Variants in PCDHGC3 observed in about 807,000 individuals in gnomAD.
PCDHGC3 encodes the protein protocadherin gamma subfamily C, 3.
PCDHGC3 carries 26 observed loss-of-function variants against 59.2 expected under a neutral mutation model. The observed-to-expected ratio is 0.44, with a 90% CI of 0.32 to 0.61. The LOEUF (loss-of-function observed/expected upper bound fraction) is 0.61. Ranked by LOEUF, PCDHGC3 falls within the 20% of genes least tolerant of loss-of-function variation. PCDHGC3 has a pLI of 0.05. For missense variants in PCDHGC3, 1,080 were observed against 1,221.8 expected, an observed-to-expected ratio of 0.88 and a Z score of 1.73; for synonymous variants, 487 against 519.7, an observed-to-expected ratio of 0.94 and a Z score of 0.86.
chr5:141,491,641 C>T lies in PCDHGC3; in HGVS notation c.2431-3166C>T. Reference sequence around the variant, plus strand: ...CCTCAGCGTTCAGCAGCCCACAGCTCTGGCGCTGGAGCCTGACGCCATCCG... The same window carrying T: ...CCTCAGCGTTCAGCAGCCCACAGCTTTGGCGCTGGAGCCTGACGCCATCCG... On this transcript the variant is annotated intron_variant, in intron 1 of 3. Coordinates refer to ENST00000308177, the MANE Select transcript of PCDHGC3 (RefSeq NM_002588.4). The surrounding 1 kb of genome is among the most constrained non-coding windows in gnomAD (Gnocchi z 6.9). The T allele has an allele frequency of 6.2e-7, 1 of 1,613,896 alleles. No homozygotes were observed. Among genetic ancestry groups the T allele is most frequent in the Non-Finnish European group, 8.5e-7 (1 of 1,180,018 alleles).
chr5:141,498,284 G>A (rs1339639509), intron 2 of PCDHGC3, among the ~76,000 whole-genome samples: 1 of 152,004 alleles, frequency 6.6e-6, no homozygotes, highest in Non-Finnish European at 1.5e-5. Flanking sequence ...CTTGGTTCAA[G>A]ATCAAGCCAG....
At position 141,505,489 on chromosome 5, in the gene PCDHGC3, G is replaced by A. The variant is rs759637750; in HGVS notation, c.2578+8G>A. On this transcript the variant is annotated splice_region_variant and intron_variant, in intron 3 of 3. Coordinates refer to ENST00000308177, the MANE Select transcript of PCDHGC3 (RefSeq NM_002588.4). ...TCTTGGCGTCCGCCAGTGGTAAGTG[G>A]TGTCAGTGTGTGTATGGAAGAGTGG... The A allele has an allele frequency of 6.2e-7, 1 of 1,614,218 alleles. No homozygotes were observed. The highest frequency in any genetic ancestry group is 1.7e-5 in the Admixed American group (1 of 60,032).
rs2099699514 is a variant in PCDHGC3 at position 141,490,385 on chromosome 5, A to G, written c.2431-4422A>G. 1 of 1,614,190 alleles carries G rather than the reference A, an allele frequency of 6.2e-7. No individual in the cohort carries two copies. Among genetic ancestry groups the G allele is most frequent in the African/African-American group, 1.3e-5 (1 of 75,032 alleles). ...GTGCGAGACCGGGACTCAGGTAGAA[A>G]TGGTGAAGTGAGCCTTGATATCTCT... On this transcript the variant is annotated intron_variant, in intron 1 of 3. Coordinates refer to ENST00000308177, the MANE Select transcript of PCDHGC3 (RefSeq NM_002588.4). This position sits in a 1 kb window ranked among gnomAD's most constrained non-coding sequence, Gnocchi z 5.4.
At chr5:141,503,743 G>C (rs1465272424) in intron 2 of PCDHGC3, among the ~76,000 whole-genome samples, 1 of 152,126 alleles carries the variant, frequency 6.6e-6, no homozygotes, top group Non-Finnish European at 1.5e-5. Context: ...TGATGGTATA[G>C]AGGTCACACA....
In PCDHGC3 at chr5:141,476,348, G is replaced by T. The variant is rs764669470; in HGVS notation, c.232G>T (p.Glu78Ter). Residue 78 changes from glutamate (E) to a stop codon, truncating the protein, a stop_gained, in exon 1 of 4, where the codon GAG becomes TAG. Transcript: ENST00000308177. LOFTEE classifies it high-confidence loss of function. This position sits in a 1 kb window ranked among gnomAD's most constrained non-coding sequence, Gnocchi z 7.6. Reference protein sequence around the residue: ...VVSGASRRFFEVNRETGEMFV... With the variant: ...VVSGASRRFF ...GTCTGGAGCTAGCCGAAGATTCTTTGAGGTGAACCGGGAGACCGGAGAGAT... is the reference window on the plus strand; with the variant it reads ...GTCTGGAGCTAGCCGAAGATTCTTTTAGGTGAACCGGGAGACCGGAGAGAT... 1 of 1,614,190 alleles carries T rather than the reference G, an allele frequency of 6.2e-7. No individual in the cohort carries two copies. The highest frequency in any genetic ancestry group is 8.5e-7 in the Non-Finnish European group (1 of 1,180,032).
At position 141,491,770 on chromosome 5, in the gene PCDHGC3, G is replaced by C. The variant is rs1230581925; in HGVS notation, c.2431-3037G>C. 1 of 1,560,888 alleles carries C rather than the reference G, an allele frequency of 6.4e-7. No individual in the cohort carries two copies. Among genetic ancestry groups the C allele is most frequent in the Non-Finnish European group, 8.7e-7 (1 of 1,154,942 alleles). On this transcript the variant is annotated intron_variant, in intron 1 of 3. Coordinates refer to ENST00000308177, the MANE Select transcript of PCDHGC3 (RefSeq NM_002588.4). This position sits in a 1 kb window ranked among gnomAD's most constrained non-coding sequence, Gnocchi z 6.9. ...TGGAGAAGCCGCCCGTCCTCATAAG[G>C]GATTGAACTTGCATCCACTCCTCTC...
In PCDHGC3 at chr5:141,489,242, TG is replaced by T; in HGVS notation, c.2431-5561del. 6.5e-7 allele frequency: 1 copy of T among 1,534,498 alleles called. No homozygotes were observed. The highest frequency in any genetic ancestry group is 2.3e-5 in the East Asian group (1 of 44,312). On this transcript the variant is annotated intron_variant, in intron 1 of 3. Transcript: ENST00000308177. The surrounding 1 kb of genome is among the most constrained non-coding windows in gnomAD (Gnocchi z 4.5). ...TCTCCACAAAGGGACTTCTGGGTCA[TG>T]GGGCCCAAGACACTCCCACAGCTCG...
At chr5:141,496,994 T>A (rs2099773177) in intron 2 of PCDHGC3, among the ~76,000 whole-genome samples, 1 of 151,862 alleles carries the variant, frequency 6.6e-6, no homozygotes, top group Non-Finnish European at 1.5e-5. Flanking sequence ...GAGACCAGCC[T>A]GGCAGCCAAC....
chr5:141,490,923 C>T lies in PCDHGC3; in HGVS notation c.2431-3884C>T. The T allele has an allele frequency of 6.2e-7, 1 of 1,613,668 alleles. No homozygotes were observed. Among genetic ancestry groups the T allele is most frequent in the South Asian group, 1.1e-5 (1 of 91,050 alleles). On this transcript the variant is annotated intron_variant, in intron 1 of 3. Coordinates refer to ENST00000308177, the MANE Select transcript of PCDHGC3 (RefSeq NM_002588.4). The surrounding 1 kb of genome is among the most constrained non-coding windows in gnomAD (Gnocchi z 5.4). ...TTGTCCTAGACGAGAATGATAATGC[C>T]CCAGCTGTGCTGCACCCACGGCCAG...
intron 1 of PCDHGC3, among the ~76,000 whole-genome samples, chr5:141,482,458 C>G (rs986628162): frequency 1.4e-5 from 2 of 147,624 alleles, no homozygotes; most frequent in African/African-American, 2.6e-5. Flanking sequence ...ATTAGCATCC[C>G]TATGTGCCAG....
rs961891623 is a variant in PCDHGC3 at position 141,487,938 on chromosome 5, GC to G, written c.2431-6868del. The G allele has an allele frequency of 2.8e-5, 17 of 600,188 alleles. No homozygotes were observed. The highest frequency in any genetic ancestry group is 4.7e-5 in the Non-Finnish European group (16 of 342,978). 37.2% of individuals were successfully genotyped at this position (600,188 alleles called of 1,614,324 possible). ...GAGGCTACAGTGCACAGGGTACAGTGCACCAGGCAGTCACTTGGACAAAGGT... is the reference window on the plus strand; with the variant it reads ...GAGGCTACAGTGCACAGGGTACAGTGACCAGGCAGTCACTTGGACAAAGGT... On this transcript the variant is annotated intron_variant, in intron 1 of 3. Coordinates refer to ENST00000308177, the MANE Select transcript of PCDHGC3 (RefSeq NM_002588.4). The surrounding 1 kb of genome is among the most constrained non-coding windows in gnomAD (Gnocchi z 5.0).
intron 1 of PCDHGC3, among the ~76,000 whole-genome samples, chr5:141,482,072 C>G (rs1010432509): frequency 1.5e-5 from 2 of 133,436 alleles, no homozygotes; most frequent in African/African-American, 5.9e-5. Flanking sequence ...GCAACAAGAA[C>G]AAAACTCACT....
rs369886570 is a variant in PCDHGC3 at position 141,487,839 on chromosome 5, G to A, written c.2431-6968G>A. ...GGGGGCGGGTCATGCCTATATCTGAGTAAGAAATGAAAGTAATTGGTGATC... is the reference window on the plus strand; with the variant it reads ...GGGGGCGGGTCATGCCTATATCTGAATAAGAAATGAAAGTAATTGGTGATC... On this transcript the variant is annotated intron_variant, in intron 1 of 3. Transcript: ENST00000308177. The surrounding 1 kb of genome is among the most constrained non-coding windows in gnomAD (Gnocchi z 5.0). The A allele has an allele frequency of 2.7e-6, 3 of 1,103,412 alleles. No homozygotes were observed. Among genetic ancestry groups the A allele is most frequent in the African/African-American group, 1.6e-5 (1 of 63,054 alleles). The allele number at this position is 1,103,412 out of a possible 1,614,324, so 68.4% of individuals were successfully genotyped here.
intron 1 of PCDHGC3, among the ~76,000 whole-genome samples, chr5:141,483,553 C>G (rs955671854): frequency 2.0e-5 from 3 of 152,230 alleles, no homozygotes; most frequent in Admixed American, 2.0e-4. Context: ...CAGTGCCATT[C>G]ACAGAGACAG....
At position 141,485,044 on chromosome 5, in the gene PCDHGC3, G is replaced by A; in HGVS notation, c.2430+6498G>A. 2 of 737,674 alleles carry A rather than the reference G, an allele frequency of 2.7e-6. No individual in the cohort carries two copies. The highest frequency in any genetic ancestry group is 1.8e-5 in the African/African-American group (1 of 56,792). The allele number at this position is 737,674 out of a possible 1,614,324, so 45.7% of individuals were successfully genotyped here. A position where few individuals can be genotyped will look rare whatever the true frequency, so the allele number is the denominator to read the frequency against. ...GCAAAAACGGCGCGTAACCCTTGCG[G>A]CGCCGGCCGAACCGCGCCAGAGCTG... On this transcript the variant is annotated intron_variant, in intron 1 of 3. Coordinates refer to ENST00000308177, the MANE Select transcript of PCDHGC3 (RefSeq NM_002588.4). This position sits in a 1 kb window ranked among gnomAD's most constrained non-coding sequence, Gnocchi z 5.7.
In PCDHGC3 at chr5:141,476,089, C is replaced by A; in HGVS notation, c.-28C>A. 1 of 1,560,716 alleles carries A rather than the reference C, an allele frequency of 6.4e-7. No individual in the cohort carries two copies. The highest frequency in any genetic ancestry group is 8.6e-7 in the Non-Finnish European group (1 of 1,158,372). On this transcript the variant is annotated 5_prime_UTR_variant, in exon 1 of 4. Coordinates refer to ENST00000308177, the MANE Select transcript of PCDHGC3 (RefSeq NM_002588.4). This position sits in a 1 kb window ranked among gnomAD's most constrained non-coding sequence, Gnocchi z 7.6. ...CGAAATCTCAGGGACGATCTGGACC[C>A]CGCTGAGAGGAACTGCTTTTGAGTG...
chr5:141,502,179 A>G (rs1403845758), intron 2 of PCDHGC3, among the ~76,000 whole-genome samples: 2 of 152,218 alleles, frequency 1.3e-5, no homozygotes, highest in Non-Finnish European at 2.9e-5. Context: ...GGAATTTAAC[A>G]TTAATACAAT....
At chr5:141,505,913 T>C (rs1457583355) in intron 3 of PCDHGC3, among the ~76,000 whole-genome samples, 1 of 152,098 alleles carries the variant, frequency 6.6e-6, no homozygotes, top group African/African-American at 2.4e-5. Context: ...AAGCATAGAG[T>C]TCTGGGCCTG....
chr5:141,487,529 A>G lies in PCDHGC3; in HGVS notation c.2431-7278A>G, dbSNP rs772843725. ...TGCACCCACTCGGAGTGATAGCTTCATGATGGTGAAGTCACCCAGTGCACC... is the reference window on the plus strand; with the variant it reads ...TGCACCCACTCGGAGTGATAGCTTCGTGATGGTGAAGTCACCCAGTGCACC... On this transcript the variant is annotated intron_variant, in intron 1 of 3. Coordinates refer to ENST00000308177, the MANE Select transcript of PCDHGC3 (RefSeq NM_002588.4). The surrounding 1 kb of genome is among the most constrained non-coding windows in gnomAD (Gnocchi z 5.0). The G allele has an allele frequency of 2.0e-5, 32 of 1,614,168 alleles. No individual in the cohort carries two copies. Among genetic ancestry groups the G allele is most frequent in the Non-Finnish European group, 2.5e-5 (29 of 1,180,040 alleles).
Sources: allele counts gnomAD v4.1 joint callset (sites outside exome capture counted in the v4.1 genomes callset), GRCh38; gene constraint gnomAD v4.1.1; non-coding constraint Gnocchi (gnomAD v3.1); transcripts MANE v1.5; gene names NCBI Gene and HGNC (gene_info 2026-07-23, HGNC 2026-07-21).